CFDP1: variants seen among roughly 807,000 people sequenced by gnomAD.
CFDP1 encodes the protein chromatin remodeling protein CFDP1, also known as heterochromatin-stabilizing protein CFDP1.
CFDP1 carries 31 observed loss-of-function variants against 40.1 expected under a neutral mutation model. That is an observed-to-expected ratio of 0.77 (90% CI 0.58 to 1.04). CFDP1 has a LOEUF of 1.04. CFDP1 is among the 50% of genes least tolerant of loss of function. The pLI is 0.00. For missense variants in CFDP1, 423 were observed against 343.4 expected (o/e 1.23, Z -1.83); for synonymous variants, 167 against 120.0 (o/e 1.39, Z -2.56).
chr16:75,426,739 G>C (rs1054486595), intron 1 of CFDP1, among the ~76,000 whole-genome samples: 5 of 152,072 alleles, frequency 3.3e-5, no homozygotes, highest in African/African-American at 1.2e-4. Flanking sequence ...CAAGCACAGA[G>C]ACAAAACACT....
At chr16:75,342,005 A>C (rs765368509) in intron 5 of CFDP1, among the ~76,000 whole-genome samples, 2 of 152,148 alleles carry the variant, frequency 1.3e-5, no homozygotes, top group Non-Finnish European at 2.9e-5. Flanking sequence ...GCATTTTATT[A>C]ATTCCTAATA....
Position 75,414,714 on chromosome 16 carries a change from G to A in CFDP1, c.65-19C>T. On this transcript the variant is annotated intron_variant, in intron 1 of 6. Transcript: ENST00000283882. ...TCTCCACCTGAAATCACATAACAGG[G>A]TGATCAGACAGGAATAAAGGTTTTC... 3 of 1,481,150 alleles carry A rather than the reference G, an allele frequency of 2.0e-6. No homozygotes were observed. The highest frequency in any genetic ancestry group is 1.1e-5 in the South Asian group (1 of 87,932). 91.8% of individuals were successfully genotyped at this position (1,481,150 alleles called of 1,614,324 possible).
chr16:75,297,194 G>GTGTGTGTGTA (rs1567637643), intron 6 of CFDP1, among the ~76,000 whole-genome samples: 1 of 146,226 alleles, frequency 6.8e-6, no homozygotes, highest in African/African-American at 2.6e-5. Flanking sequence ...GTGTGTGTGT[G>GTGTGTGTGTA]TTTTTAGTAG....
chr16:75,389,693 C>G (rs1390559067), intron 5 of CFDP1, among the ~76,000 whole-genome samples: 2 of 152,146 alleles, frequency 1.3e-5, no homozygotes, highest in Non-Finnish European at 2.9e-5. Flanking sequence ...GGGAAAAAAA[C>G]TTGACTGTGT....
chr16:75,384,354 C>A (rs138308435), intron 5 of CFDP1, among the ~76,000 whole-genome samples: 5 of 151,978 alleles, frequency 3.3e-5, no homozygotes, highest in Admixed American at 3.3e-4. Flanking sequence ...GAGTGAGACT[C>A]CATCTCAAAA....
chr16:75,391,113 A>G (rs1043339331), intron 5 of CFDP1, among the ~76,000 whole-genome samples: 1 of 152,234 alleles, frequency 6.6e-6, no homozygotes, highest in Non-Finnish European at 1.5e-5. Context: ...CCATTTCTCC[A>G]TTCTTTAGTT....
chr16:75,298,294 AC>A (rs762252025), intron 6 of CFDP1, among the ~76,000 whole-genome samples: 5 of 152,198 alleles, frequency 3.3e-5, no homozygotes, highest in Non-Finnish European at 7.4e-5. Context: ...CTGGGAACCC[AC>A]CCTGCAGGAG....
chr16:75,309,944 T>G (rs966331824), intron 5 of CFDP1, among the ~76,000 whole-genome samples: 2 of 150,016 alleles, frequency 1.3e-5, no homozygotes, highest in Non-Finnish European at 3.0e-5. Context: ...AACAGACCAC[T>G]CTCCAGACAA....
At chr16:75,395,982 T>A (rs1205685631) in intron 4 of CFDP1, among the ~76,000 whole-genome samples, 1 of 111,286 alleles carries the variant, frequency 9.0e-6, no homozygotes, top group Non-Finnish European at 2.1e-5. Context: ...CGAAAACACC[T>A]GAGGAATGTT....
At chr16:75,377,974 A>G (rs2078816421) in intron 5 of CFDP1, among the ~76,000 whole-genome samples, 1 of 152,210 alleles carries the variant, frequency 6.6e-6, no homozygotes, top group Non-Finnish European at 1.5e-5. Flanking sequence ...ATTATACATC[A>G]AAATCCCTTA....
rs1173966355 is a variant in CFDP1 at position 75,297,164 on chromosome 16, GTC to G, written c.810-3124_810-3123del. On this transcript the variant is annotated intron_variant, in intron 6 of 6. Coordinates refer to ENST00000283882, the MANE Select transcript of CFDP1 (RefSeq NM_006324.3). ...CCATTTCTTGTGTGTGTGTGTGTGT[GTC>G]TGTGTGTGTGTGTGTGTGTGTGTGT... is the stretch of plus-strand genomic sequence containing the variant. 3.4e-3 allele frequency among the ~76,000 whole-genome samples: 445 copies of G among 132,334 alleles called. 20 individuals carry two copies. The highest frequency in any genetic ancestry group is 5.2e-3 in the Admixed American group (69 of 13,344). 86.8% of individuals were successfully genotyped at this position (132,334 alleles called of 152,430 possible). A position where few individuals can be genotyped will look rare whatever the true frequency, so the allele number is the denominator to read the frequency against.
rs559551421 is a variant in CFDP1 at position 75,401,460 on chromosome 16, C to T, written c.531-6251G>A. ...AAAAAAAAAAAAAAAATTAGCTGGG[C>T]GTGGTAGCAGGTGCCTGTAATCCCA... On this transcript the variant is annotated intron_variant, in intron 4 of 6. Coordinates refer to ENST00000283882, the MANE Select transcript of CFDP1 (RefSeq NM_006324.3). 5.1e-3 allele frequency among the ~76,000 whole-genome samples: 736 copies of T among 144,852 alleles called. 6 individuals carry two copies. The highest frequency in any genetic ancestry group is 0.015 in the Middle Eastern group (4 of 260).
chr16:75,388,934 T>C (rs79264323), intron 5 of CFDP1, among the ~76,000 whole-genome samples: 5 of 145,232 alleles, frequency 3.4e-5, no homozygotes, highest in African/African-American at 7.5e-5. Flanking sequence ...TTTTTTTTTT[T>C]CCACTCCATA....
chr16:75,423,424 G>C (rs1035946398), intron 1 of CFDP1, among the ~76,000 whole-genome samples: 3 of 152,136 alleles, frequency 2.0e-5, no homozygotes, highest in African/African-American at 4.8e-5. Context: ...TCCAGTCTGG[G>C]TAATCAAGCG....
chr16:75,425,314 G>C (rs531740132), intron 1 of CFDP1, among the ~76,000 whole-genome samples: 1 of 149,112 alleles, frequency 6.7e-6, no homozygotes, highest in African/African-American at 2.5e-5. Context: ...TTGAACCTGG[G>C]AGGTAGAGGT....
intron 5 of CFDP1, among the ~76,000 whole-genome samples, chr16:75,376,897 A>G (rs1364463278): frequency 3.9e-5 from 6 of 152,352 alleles, no homozygotes; most frequent in African/African-American, 1.4e-4. Context: ...ATTTCTGCAT[A>G]AACTGCCCCT....
At chr16:75,387,975 TC>T (rs1390727150) in intron 5 of CFDP1, among the ~76,000 whole-genome samples, 2 of 151,900 alleles carry the variant, frequency 1.3e-5, no homozygotes, top group Non-Finnish European at 2.9e-5. Context: ...TTTCAAAGAG[TC>T]CCACATCAGT....
intron 5 of CFDP1, among the ~76,000 whole-genome samples, chr16:75,327,870 C>G (rs1215631257): frequency 6.6e-6 from 1 of 152,046 alleles, no homozygotes; most frequent in Non-Finnish European, 1.5e-5. Flanking sequence ...ATTACAGGTA[C>G]CCGCCACCAC....
chr16:75,371,592 G>C (rs191683489), intron 5 of CFDP1, among the ~76,000 whole-genome samples: 1 of 152,238 alleles, frequency 6.6e-6, no homozygotes, highest in Admixed American at 6.5e-5. Flanking sequence ...TCTAAAAACA[G>C]GTTTATATAT....
Sources: gnomAD v4.1 joint callset for allele counts (sites outside exome capture counted in the v4.1 genomes callset) on GRCh38, gnomAD v4.1.1 for gene constraint, MANE v1.5 for transcripts, NCBI Gene and HGNC (gene_info 2026-07-23, HGNC 2026-07-21) for gene names.